SERPINI1: variants seen among roughly 807,000 people sequenced by gnomAD.
The protein encoded by SERPINI1 is neuroserpin.
A neutral mutation model predicts 41.1 loss-of-function variants in SERPINI1; 19 were observed. The ratio of observed to expected loss-of-function variants is 0.46; its 90% CI spans 0.32 to 0.68. SERPINI1 has a LOEUF of 0.68. Ranked by LOEUF, SERPINI1 falls within the 30% of genes least tolerant of loss-of-function variation. SERPINI1 has a pLI of 0.03. For missense variants in SERPINI1, 460 were observed against 479.2 expected (o/e 0.96, Z 0.37); for synonymous variants, 138 against 156.6 (o/e 0.88, Z 0.89).
chr3:167,761,452 G>A (rs915921881), intron 1 of SERPINI1, among the ~76,000 whole-genome samples: 7 of 152,146 alleles, frequency 4.6e-5, no homozygotes, highest in Admixed American at 2.6e-4. Flanking sequence ...TTGATGTGGT[G>A]GGGTGGAGGA....
intron 3 of SERPINI1, among the ~76,000 whole-genome samples, chr3:167,791,191 T>C (rs1015666134): frequency 6.6e-6 from 1 of 152,154 alleles, no homozygotes; most frequent in African/African-American, 2.4e-5. Flanking sequence ...TGTTTCATAT[T>C]TTAGCATTTT....
chr3:167,813,662 C>G (rs1711969195), intron 6 of SERPINI1, among the ~76,000 whole-genome samples: 1 of 152,192 alleles, frequency 6.6e-6, no homozygotes. Context: ...GCACTTTGCA[C>G]ACACCTCTGT....
chr3:167,811,932 T>G (rs1164598412), intron 6 of SERPINI1, among the ~76,000 whole-genome samples: 4 of 152,202 alleles, frequency 2.6e-5, no homozygotes, highest in African/African-American at 9.6e-5. Context: ...TATTGTTACT[T>G]TCTTAAATTA....
At chr3:167,748,232 T>G (rs1725927171) in intron 1 of SERPINI1, among the ~76,000 whole-genome samples, 1 of 152,094 alleles carries the variant, frequency 6.6e-6, no homozygotes, top group Non-Finnish European at 1.5e-5. Context: ...TCAAACTATT[T>G]AATATTTAAA....
intron 1 of SERPINI1, among the ~76,000 whole-genome samples, chr3:167,752,999 A>G (rs985265146): frequency 6.6e-6 from 1 of 152,132 alleles, no homozygotes; most frequent in Non-Finnish European, 1.5e-5. Flanking sequence ...CACAGTTTTC[A>G]ACTAGGTGCT....
intron 6 of SERPINI1, among the ~76,000 whole-genome samples, chr3:167,807,677 T>A (rs1053360613): frequency 2.0e-5 from 3 of 152,152 alleles, no homozygotes; most frequent in Non-Finnish European, 4.4e-5. Flanking sequence ...TCTCAATATG[T>A]CCCATTGTAG....
chr3:167,737,424 C>G (rs927307052), intron 1 of SERPINI1, among the ~76,000 whole-genome samples: 7 of 152,034 alleles, frequency 4.6e-5, no homozygotes, highest in Non-Finnish European at 7.4e-5. Flanking sequence ...TGCTACAGCA[C>G]TGGAGAATCT....
chr3:167,822,462 T>C (rs527238846), intron 6 of SERPINI1, among the ~76,000 whole-genome samples: 17 of 152,280 alleles, frequency 1.1e-4, no homozygotes, highest in African/African-American at 4.1e-4. Context: ...ATAAACCAAT[T>C]AATTGTAATG....
chr3:167,797,793 G>A (rs1470491075), intron 5 of SERPINI1, among the ~76,000 whole-genome samples: 5 of 150,246 alleles, frequency 3.3e-5, no homozygotes, highest in Non-Finnish European at 7.4e-5. Flanking sequence ...TATAAACAAT[G>A]TACCTTAATT....
At chr3:167,760,991 C>T (rs1726361207) in intron 1 of SERPINI1, among the ~76,000 whole-genome samples, 1 of 152,296 alleles carries the variant, frequency 6.6e-6, no homozygotes, top group South Asian at 2.1e-4. Context: ...ACTAGTACAA[C>T]AGCTGTTCCT....
intron 5 of SERPINI1, among the ~76,000 whole-genome samples, chr3:167,806,171 A>G (rs1711628776): frequency 6.6e-6 from 1 of 152,178 alleles, no homozygotes; most frequent in African/African-American, 2.4e-5. Flanking sequence ...TTTCCTTTGC[A>G]GGGACATGGA....
intron 1 of SERPINI1, among the ~76,000 whole-genome samples, chr3:167,763,239 T>C (rs929725129): frequency 1.3e-5 from 2 of 152,112 alleles, no homozygotes; most frequent in Non-Finnish European, 2.9e-5. Flanking sequence ...AAAAAAAAGA[T>C]AAAAATCACA....
intron 6 of SERPINI1, among the ~76,000 whole-genome samples, chr3:167,809,344 A>G (rs553669476): frequency 4.8e-4 from 73 of 152,242 alleles, no homozygotes; most frequent in South Asian, 1.9e-3. Context: ...ACGTGGCTCT[A>G]TTTTCAGTTT....
At chr3:167,770,337 C>G (rs905541304) in intron 1 of SERPINI1, among the ~76,000 whole-genome samples, 10 of 151,812 alleles carry the variant, frequency 6.6e-5, no homozygotes, top group African/African-American at 2.4e-4. Flanking sequence ...TGATTTAACA[C>G]AAAAATATAT....
intron 1 of SERPINI1, among the ~76,000 whole-genome samples, chr3:167,747,465 A>C (rs1177856980): frequency 2.0e-5 from 3 of 152,198 alleles, no homozygotes; most frequent in African/African-American, 7.2e-5. Flanking sequence ...TAACACGGTG[A>C]AACTCTGTTT....
chr3:167,772,595 T>C (rs931878529), intron 1 of SERPINI1, among the ~76,000 whole-genome samples: 1 of 152,034 alleles, frequency 6.6e-6, no homozygotes, highest in African/African-American at 2.4e-5. Context: ...GGGCTAATTG[T>C]CTGTATTTTT....
At chr3:167,770,446 C>G (rs1377208118) in intron 1 of SERPINI1, among the ~76,000 whole-genome samples, 1 of 151,972 alleles carries the variant, frequency 6.6e-6, no homozygotes, top group African/African-American at 2.4e-5. Context: ...TATTTCGAAC[C>G]ACCCTATTTT....
rs556732672 is a variant in SERPINI1 at position 167,819,234 on chromosome 3, G to A, written c.980-3752G>A. 1.6e-4 allele frequency among the ~76,000 whole-genome samples: 25 copies of A among 152,014 alleles called. No homozygotes were observed. The South Asian group carries it at 5.0e-3, about 30-fold the overall frequency. The stretch of plus-strand genomic sequence containing the variant: ...TCACTATATTGTCTAAGCTGGTCTT[G>A]AGTTTCTGGGCTCAAGTGATCCTCC... On this transcript the variant is annotated intron_variant, in intron 6 of 8. Transcript: ENST00000446050.
chr3:167,778,011 G>A (rs1727015386), intron 1 of SERPINI1, among the ~76,000 whole-genome samples: 1 of 152,124 alleles, frequency 6.6e-6, no homozygotes, highest in Non-Finnish European at 1.5e-5. Flanking sequence ...TCCACAATGG[G>A]ATGACCCTCA....
Sources: allele counts gnomAD v4.1 joint callset (sites outside exome capture counted in the v4.1 genomes callset), GRCh38; gene constraint gnomAD v4.1.1; transcripts MANE v1.5; gene names NCBI Gene and HGNC (gene_info 2026-07-23, HGNC 2026-07-21).